WDR7: variants seen among roughly 807,000 people sequenced by gnomAD.
The protein encoded by WDR7 is WD repeat domain 7, also known as WD repeat-containing protein 7.
WDR7 carries 46 observed loss-of-function variants against 169.4 expected under a neutral mutation model. The observed-to-expected ratio is 0.27, with a 90% CI of 0.21 to 0.35. WDR7 has a LOEUF of 0.35. WDR7 is among the 10% of genes least tolerant of loss of function. WDR7 has a pLI of 1.00. For synonymous variants in WDR7, 612 were observed against 666.8 expected, an observed-to-expected ratio of 0.92 and a Z score of 1.27; for missense variants, 1,534 against 1,859.3, an observed-to-expected ratio of 0.83 and a Z score of 3.22.
intron 1 of WDR7, among the ~76,000 whole-genome samples, chr18:56,664,028 A>G (rs1658101113): frequency 6.6e-6 from 1 of 152,188 alleles, no homozygotes; most frequent in South Asian, 2.1e-4. Flanking sequence ...GCATTGCAAA[A>G]AATCAGCAAT....
At chr18:56,852,751 TA>T (rs1269482210) in intron 20 of WDR7, among the ~76,000 whole-genome samples, 1 of 152,182 alleles carries the variant, frequency 6.6e-6, no homozygotes, top group East Asian at 1.9e-4. Context: ...CATATATGGA[TA>T]AATGGACTAG....
chr18:56,668,466 C>T (rs997636980), intron 1 of WDR7, among the ~76,000 whole-genome samples: 2 of 152,176 alleles, frequency 1.3e-5, no homozygotes, highest in Non-Finnish European at 2.9e-5. Context: ...TGAGACTTCT[C>T]TCATGCTCTG....
intron 25 of WDR7, among the ~76,000 whole-genome samples, chr18:56,940,023 C>T (rs1356992657): frequency 1.3e-5 from 2 of 151,728 alleles, no homozygotes; most frequent in Non-Finnish European, 2.9e-5. Context: ...GTTTATTTTT[C>T]TTTCAAAGCT....
At chr18:57,002,931 G>A (rs969044063) in intron 26 of WDR7, among the ~76,000 whole-genome samples, 2 of 152,132 alleles carry the variant, frequency 1.3e-5, no homozygotes, top group African/African-American at 4.8e-5. Flanking sequence ...TGAGTGTGCA[G>A]CCATCAAAAG....
chr18:56,998,937 G>T (rs188010805), intron 26 of WDR7, among the ~76,000 whole-genome samples: 1 of 152,276 alleles, frequency 6.6e-6, no homozygotes, highest in South Asian at 2.1e-4. Context: ...ACATCGTAGC[G>T]CTTAATAGCT....
At chr18:57,026,583 T>C (rs1191053893) in intron 27 of WDR7, among the ~76,000 whole-genome samples, 1 of 152,214 alleles carries the variant, frequency 6.6e-6, no homozygotes, top group Admixed American at 6.5e-5. Flanking sequence ...CTTGAACTAA[T>C]TACAAATCCC....
intron 23 of WDR7, 51 bp from the exon 24 acceptor site, chr18:56,938,482 G>A (rs147759701): frequency 0.016 from 24,771 of 1,583,910 alleles, 254 homozygotes; most frequent in Middle Eastern, 0.034. Flanking sequence ...GGCTAGAAAT[G>A]TAAAACTATA....
At chr18:56,735,976 T>C (rs2026690407) in intron 14 of WDR7, among the ~76,000 whole-genome samples, 1 of 152,186 alleles carries the variant, frequency 6.6e-6, no homozygotes, top group African/African-American at 2.4e-5. Context: ...TCTGGTGGAA[T>C]GGCTTTTGCT....
intron 12 of WDR7, among the ~76,000 whole-genome samples, chr18:56,709,103 A>G (rs2026027628): frequency 6.6e-6 from 1 of 152,246 alleles, no homozygotes; most frequent in Non-Finnish European, 1.5e-5. Flanking sequence ...GTAGAAAAAC[A>G]TAAGAAATAT....
At chr18:56,977,471 C>G (rs1211987568) in intron 26 of WDR7, among the ~76,000 whole-genome samples, 11 of 152,212 alleles carry the variant, frequency 7.2e-5, no homozygotes, top group African/African-American at 1.7e-4. Flanking sequence ...AGAGGAAAGG[C>G]TGGCCTTGCA....
intron 16 of WDR7, among the ~76,000 whole-genome samples, chr18:56,764,477 A>G (rs2044030814): frequency 6.6e-6 from 1 of 152,128 alleles, no homozygotes; most frequent in African/African-American, 2.4e-5. Context: ...ACATGTGTAC[A>G]TTGTGGAATG....
intron 27 of WDR7, among the ~76,000 whole-genome samples, chr18:57,025,358 A>G (rs565863656): frequency 1.1e-4 from 17 of 152,330 alleles, no homozygotes; most frequent in East Asian, 9.6e-4. Context: ...GGATCTATCA[A>G]ATTAAGCTCA....
At chr18:56,663,600 CAT>C (rs1164341379) in intron 1 of WDR7, among the ~76,000 whole-genome samples, 1 of 151,170 alleles carries the variant, frequency 6.6e-6, no homozygotes, top group East Asian at 2.0e-4. Context: ...TAAAAACACA[CAT>C]ATATGCACAG....
At chr18:56,898,117 A>G (rs2046353755) in intron 21 of WDR7, among the ~76,000 whole-genome samples, 1 of 152,062 alleles carries the variant, frequency 6.6e-6, no homozygotes, top group South Asian at 2.1e-4. Context: ...TAAAAAGGAT[A>G]GGGGCACGTC....
At position 56,794,413 on chromosome 18, in the gene WDR7, C is replaced by T. The variant is rs1599049269; in HGVS notation, c.3190+12757C>T. Among the ~76,000 whole-genome samples, 3 of 146,562 alleles carry T rather than the reference C, an allele frequency of 2.0e-5. No homozygotes were observed. The South Asian group carries it at 6.5e-4, about 32-fold the overall frequency. ...CAAGCTCTGCCTCCTGGGTTCACGCCATTCTCCTGCCTCAGCCACCCAAAC... is the reference window on the plus strand; with the variant it reads ...CAAGCTCTGCCTCCTGGGTTCACGCTATTCTCCTGCCTCAGCCACCCAAAC... On this transcript the variant is annotated intron_variant, in intron 19 of 27. Coordinates refer to ENST00000254442, the MANE Select transcript of WDR7 (RefSeq NM_015285.3).
intron 20 of WDR7, among the ~76,000 whole-genome samples, chr18:56,846,060 G>A (rs2045562009): frequency 6.6e-6 from 1 of 152,146 alleles, no homozygotes; most frequent in Admixed American, 6.6e-5. Context: ...GTACTGTGGA[G>A]CATACAAATA....
At chr18:56,655,749 T>C (rs1043405364) in intron 1 of WDR7, among the ~76,000 whole-genome samples, 5 of 152,178 alleles carry the variant, frequency 3.3e-5, no homozygotes, top group African/African-American at 1.2e-4. Flanking sequence ...GTTTAATCAG[T>C]TTCTATCTCT....
At chr18:56,833,891 A>G (rs926317369) in intron 20 of WDR7, among the ~76,000 whole-genome samples, 5 of 152,164 alleles carry the variant, frequency 3.3e-5, no homozygotes, top group African/African-American at 9.7e-5. Flanking sequence ...AGTTTAAAAT[A>G]CCCACATTTA....
intron 21 of WDR7, among the ~76,000 whole-genome samples, chr18:56,897,767 T>A (rs1177727561): frequency 2.6e-5 from 4 of 151,964 alleles, no homozygotes; most frequent in Non-Finnish European, 5.9e-5. Context: ...GTGACCAAGA[T>A]TATAAAAATG....
Sources: allele counts gnomAD v4.1 joint callset (sites outside exome capture counted in the v4.1 genomes callset), GRCh38; gene constraint gnomAD v4.1.1; transcripts MANE v1.5; gene names NCBI Gene and HGNC (gene_info 2026-07-23, HGNC 2026-07-21).